Variants in FHIP2A observed in about 807,000 individuals in gnomAD.
FHIP2A encodes family with sequence similarity 160 member B1.
In FHIP2A, 46 loss-of-function variants were observed where a neutral mutation model predicts 93.5. The observed-to-expected ratio is 0.49, with a 90% CI of 0.39 to 0.63. The LOEUF (loss-of-function observed/expected upper bound fraction) is 0.63. Among genes scored for constraint, FHIP2A ranks in the 20% least tolerant of loss-of-function variants. The probability of loss-of-function intolerance (pLI) is 0.00; values close to 1 mark genes in which losing one functional copy is unlikely to be tolerated. For missense variants in FHIP2A, 769 were observed against 909.7 expected, an observed-to-expected ratio of 0.85 and a Z score of 1.99; for synonymous variants, 332 against 326.5, an observed-to-expected ratio of 1.02 and a Z score of -0.18.
intron 13 of FHIP2A, among the ~76,000 whole-genome samples, chr10:114,853,067 C>T (rs971789847): frequency 2.6e-5 from 4 of 152,166 alleles, no homozygotes; most frequent in Non-Finnish European, 5.9e-5. Flanking sequence ...GGCATTGTCT[C>T]TAATCTTTTG....
At position 114,863,200 on chromosome 10, in the gene FHIP2A, G is replaced by A. The variant is rs940709273; in HGVS notation, c.*1660G>A. On this transcript the variant is annotated 3_prime_UTR_variant, in exon 17 of 17. Coordinates refer to ENST00000369248, the MANE Select transcript of FHIP2A (RefSeq NM_020940.4). ...GAAGTGGGAGATAGTTATTTTGTGC[G>A]TAATTTTCTTTAAATCATTTTGAAT... The A allele has an allele frequency of 3.7e-5, 36 of 980,328 alleles. No individual in the cohort carries two copies. The highest frequency in any genetic ancestry group is 5.3e-5 in the African/African-American group (3 of 57,134). The allele number at this position is 980,328 out of a possible 1,614,324, so 60.7% of individuals were successfully genotyped here.
At chr10:114,873,145 G>A (rs1057349574) in intron 16 of FHIP2A, among the ~76,000 whole-genome samples, 1 of 152,236 alleles carries the variant, frequency 6.6e-6, no homozygotes, top group South Asian at 2.1e-4. Flanking sequence ...CCTCTGAGGA[G>A]TGGTTGCTAT....
At chr10:114,827,571 G>A (rs189191847) in intron 1 of FHIP2A, among the ~76,000 whole-genome samples, 4 of 152,328 alleles carry the variant, frequency 2.6e-5, no homozygotes, top group Admixed American at 2.6e-4. Flanking sequence ...GCCAAGGCGG[G>A]CGGATCATGA....
chr10:114,897,632 C>T (rs1485042656), intron 16 of FHIP2A, among the ~76,000 whole-genome samples: 6 of 152,060 alleles, frequency 3.9e-5, no homozygotes, highest in African/African-American at 1.4e-4. Flanking sequence ...TCACTGGGGC[C>T]CAGCGCATTG....
intron 16 of FHIP2A, among the ~76,000 whole-genome samples, chr10:114,880,686 C>T (rs2083912622): frequency 6.6e-6 from 1 of 151,610 alleles, no homozygotes; most frequent in East Asian, 1.9e-4. Flanking sequence ...TGTCAACACA[C>T]ACACACACAC....
At chr10:114,855,371 T>C (rs2083761042) in intron 14 of FHIP2A, 31 bp downstream of exon 14, 1 of 1,325,706 alleles carries the variant, frequency 7.5e-7, no homozygotes, top group African/African-American at 1.5e-5. Flanking sequence ...AATTTTCATA[T>C]TTTTTTTTGC....
intron 3 of FHIP2A, 73 bp downstream of exon 3, chr10:114,833,475 CAA>C: frequency 7.4e-7 from 1 of 1,348,200 alleles, no homozygotes; most frequent in Non-Finnish European, 1.0e-6. Flanking sequence ...AAGAAGCTGC[CAA>C]ATACTTGATT....
At chr10:114,893,827 T>A (rs1198295113) in intron 16 of FHIP2A, among the ~76,000 whole-genome samples, 2 of 152,010 alleles carry the variant, frequency 1.3e-5, no homozygotes, top group Non-Finnish European at 2.9e-5. Context: ...AAAGACCACA[T>A]AATGACAAGA....
chr10:114,839,449 T>C (rs2083655364), intron 5 of FHIP2A, among the ~76,000 whole-genome samples: 1 of 152,132 alleles, frequency 6.6e-6, no homozygotes, highest in Non-Finnish European at 1.5e-5. Flanking sequence ...TTATTACTTA[T>C]AAGTATAGAT....
intron 15 of FHIP2A, 97 bp from the exon 16 acceptor site, chr10:114,861,134 T>C: frequency 6.7e-7 from 1 of 1,492,652 alleles, no homozygotes; most frequent in African/African-American, 1.4e-5. Flanking sequence ...TTACGTTCTT[T>C]ATTAAATAGT....
downstream of FHIP2A, among the ~76,000 whole-genome samples, chr10:114,865,357 A>G (rs202076294): frequency 3.9e-5 from 6 of 152,276 alleles, no homozygotes; most frequent in East Asian, 1.2e-3. Context: ...TTTTCTTTTT[A>G]GCTGACACTT....
intron 4 of FHIP2A, 56 bp downstream of exon 4, chr10:114,835,697 T>A: frequency 9.5e-7 from 1 of 1,051,328 alleles, no homozygotes; most frequent in Non-Finnish European, 1.4e-6. Context: ...AATGTTGAAA[T>A]AATTTTATAT....
Position 114,846,833 on chromosome 10 carries a change from G to C in FHIP2A, c.1568+105G>C, listed in dbSNP as rs181519103. ...ATCCTCAAAAGAAATACCTCTTACAGTTTAAAAGTTCTTAAAAGTAAAATT... is the reference window on the plus strand; with the variant it reads ...ATCCTCAAAAGAAATACCTCTTACACTTTAAAAGTTCTTAAAAGTAAAATT... On this transcript the variant is annotated intron_variant, in intron 11 of 16. Transcript: ENST00000369248. 28 of 1,109,972 alleles carry C rather than the reference G, an allele frequency of 2.5e-5. No homozygotes were observed. In the African/African-American group the frequency reaches 4.5e-4, roughly 18 times the overall value. 68.8% of individuals were successfully genotyped at this position (1,109,972 alleles called of 1,614,324 possible).
rs2083817837 is a variant in FHIP2A, at chr10:114,864,331, A to G, written c.*2791A>G. 1 of 985,558 alleles carries G rather than the reference A, an allele frequency of 1.0e-6. No homozygotes were observed. The highest frequency in any genetic ancestry group is 1.7e-5 in the African/African-American group (1 of 57,236). The allele number at this position is 985,558 out of a possible 1,614,324, so 61.1% of individuals were successfully genotyped here. On this transcript the variant is annotated 3_prime_UTR_variant, in exon 17 of 17. Coordinates refer to ENST00000369248, the MANE Select transcript of FHIP2A (RefSeq NM_020940.4). ...GACGTTACAGTGAAGTGCTAAAACC[A>G]CACTATATGGTAATTATATTTTGGG...
At chr10:114,879,395 A>G (rs1485131069) in intron 16 of FHIP2A, among the ~76,000 whole-genome samples, 1 of 134,132 alleles carries the variant, frequency 7.5e-6, no homozygotes, top group Non-Finnish European at 1.7e-5. Flanking sequence ...TAGAGAAGGA[A>G]ACAGATCTCA....
rs1443178102 is a variant in FHIP2A at position 114,833,408 on chromosome 10, T to C, written c.294+6T>C. On this transcript the variant is annotated splice_donor_region_variant and intron_variant, in intron 3 of 16. Coordinates refer to ENST00000369248, the MANE Select transcript of FHIP2A (RefSeq NM_020940.4). ...ATACCTTGGGGAAAGCTGATGTAAG[T>C]TCCTGATCCACACCATGTTCTTGGG... 1 of 1,613,204 alleles carries C rather than the reference T, an allele frequency of 6.2e-7. No homozygotes were observed. Among genetic ancestry groups the C allele is most frequent in the Non-Finnish European group, 8.5e-7 (1 of 1,179,468 alleles).
In FHIP2A at chr10:114,821,943, A is replaced by T; in HGVS notation, c.-136A>T. The T allele has an allele frequency of 2.4e-6, 1 of 421,494 alleles. No homozygotes were observed. Among genetic ancestry groups the T allele is most frequent in the African/African-American group, 2.1e-5 (1 of 47,076 alleles). 26.1% of individuals were successfully genotyped at this position (421,494 alleles called of 1,614,324 possible). On this transcript the variant is annotated 5_prime_UTR_variant, in exon 1 of 17. Transcript: ENST00000369248. ...AGCGGCCGGGCCAGGCCCTGCCTCG[A>T]TCCTCAGCTCGTCCTCCCCGCCCCG...
At chr10:114,858,173 C>G (rs1366644074) in intron 14 of FHIP2A, among the ~76,000 whole-genome samples, 9 of 152,098 alleles carry the variant, frequency 5.9e-5, no homozygotes, top group Non-Finnish European at 1.3e-4. Flanking sequence ...AAAGGGACCT[C>G]AAGTAATAGA....
chr10:114,822,197 C>T (rs1047014398), intron 1 of FHIP2A, 74 bp downstream of exon 1: 43 of 989,366 alleles, frequency 4.3e-5, no homozygotes, highest in Admixed American at 2.4e-4. Flanking sequence ...GCCTCGGGGA[C>T]AAGCCGGGCG....
Sources: allele counts gnomAD v4.1 joint callset (sites outside exome capture counted in the v4.1 genomes callset), GRCh38; gene constraint gnomAD v4.1.1; transcripts MANE v1.5; gene names NCBI Gene and HGNC (gene_info 2026-07-23, HGNC 2026-07-21).